Variants in TRAPPC12 observed in about 807,000 individuals in gnomAD.
TRAPPC12 encodes TPR repeat protein 15.
TRAPPC12 carries 61 observed loss-of-function variants against 69.2 expected under a neutral mutation model. The ratio of observed to expected loss-of-function variants is 0.88; its 90% confidence interval spans 0.72 to 1.09. The LOEUF (loss-of-function observed/expected upper bound fraction) is 1.09. Ranked by LOEUF, TRAPPC12 falls within the 50% of genes least tolerant of loss-of-function variation. TRAPPC12 has a pLI of 0.00. For missense variants in TRAPPC12, 1,101 were observed against 1,016.4 expected, an observed-to-expected ratio of 1.08 and a Z score of -1.13; for synonymous variants, 469 against 438.9, an observed-to-expected ratio of 1.07 and a Z score of -0.86.
intron 6 of TRAPPC12, among the ~76,000 whole-genome samples, chr2:3,446,513 C>T (rs909118235): frequency 3.9e-5 from 6 of 152,216 alleles, no homozygotes; most frequent in Admixed American, 3.3e-4. Flanking sequence ...CTTGCCTGTC[C>T]GCCACCTTTG....
chr2:3,461,957 C>T (rs927891617), intron 8 of TRAPPC12, among the ~76,000 whole-genome samples: 1 of 152,272 alleles, frequency 6.6e-6, no homozygotes, highest in Non-Finnish European at 1.5e-5. Context: ...ACACCCCCAC[C>T]TGGCGGTCTG....
At chr2:3,423,071 G>T (rs1662902263) in intron 4 of TRAPPC12, among the ~76,000 whole-genome samples, 1 of 152,200 alleles carries the variant, frequency 6.6e-6, no homozygotes, top group South Asian at 2.1e-4. Context: ...TCAGGTGTTG[G>T]CACTAGCTCA....
chr2:3,415,374 A>G (rs899476290), intron 3 of TRAPPC12, among the ~76,000 whole-genome samples: 2 of 147,620 alleles, frequency 1.4e-5, no homozygotes, highest in African/African-American at 5.4e-5. Context: ...TGTGACATTC[A>G]GTAGGTTAGA....
In TRAPPC12 at chr2:3,465,608, G is replaced by A. The variant is rs576529829; in HGVS notation, c.1689G>A (p.Leu563=). The change falls in exon 9 of 12, where the codon CTG becomes CTA. Residue 563 remains leucine (L), a synonymous_variant. Coordinates refer to ENST00000324266, the MANE Select transcript of TRAPPC12 (RefSeq NM_016030.6). The stretch of plus-strand genomic sequence containing the variant: ...TTTTCTTCCCACAGGATTATGTGCT[G>A]GCCGTGGAGGCGTATCATTCGGTTA... ...NCLLLMKDYV[L]AVEAYHSVIK... is the part of the protein sequence containing the mutation. 12 of 1,613,502 alleles carry A rather than the reference G, an allele frequency of 7.4e-6. No homozygotes were observed. Among genetic ancestry groups the A allele is most frequent in the Non-Finnish European group, 1.0e-5 (12 of 1,179,538 alleles).
chr2:3,462,817 G>A, intron 8 of TRAPPC12: 1 of 440,594 alleles, frequency 2.3e-6, no homozygotes. Context: ...CCCTCCCCCG[G>A]GTGCCCCTGG....
intron 5 of TRAPPC12, among the ~76,000 whole-genome samples, chr2:3,427,740 A>G (rs1663192765): frequency 6.6e-6 from 1 of 152,154 alleles, no homozygotes; most frequent in Admixed American, 6.5e-5. Flanking sequence ...AAAAATACAA[A>G]AAATTAGCCG....
chr2:3,460,358 G>A (rs762697973), intron 8 of TRAPPC12, 22 bp downstream of exon 8: 6 of 866,460 alleles, frequency 6.9e-6, no homozygotes, highest in South Asian at 6.6e-5. Flanking sequence ...GCCAAGCAGG[G>A]CTGCCATGTG....
At chr2:3,453,534 G>A (rs2103123796) in intron 6 of TRAPPC12, among the ~76,000 whole-genome samples, 1 of 152,336 alleles carries the variant, frequency 6.6e-6, no homozygotes. Context: ...GCCCTCAGCA[G>A]CTTCCAGCAG....
chr2:3,452,212 T>C (rs1005143811), intron 6 of TRAPPC12, among the ~76,000 whole-genome samples: 7 of 152,166 alleles, frequency 4.6e-5, no homozygotes, highest in Admixed American at 1.3e-4. Context: ...GCTGGGTTCC[T>C]GGCCTCATGG....
chr2:3,419,998 G>T (rs1262967845), intron 3 of TRAPPC12, among the ~76,000 whole-genome samples: 1 of 152,196 alleles, frequency 6.6e-6, no homozygotes, highest in Non-Finnish European at 1.5e-5. Context: ...CAGCAATCCA[G>T]TTACTGCATT....
At chr2:3,419,437 A>T (rs79735357) in intron 3 of TRAPPC12, among the ~76,000 whole-genome samples, 16,973 of 152,222 alleles carry the variant, frequency 0.11, 1,055 homozygotes, top group Middle Eastern at 0.27. Flanking sequence ...ATCGTAACCA[A>T]TCTAAAAATA....
intron 2 of TRAPPC12, chr2:3,389,866 T>C (rs1660730892): frequency 2.2e-6 from 1 of 457,588 alleles, no homozygotes; most frequent in African/African-American, 2.0e-5. Flanking sequence ...GAAAGTCAGG[T>C]GGTGTCTCTC....
At chr2:3,383,455 G>A (rs375066391) in intron 1 of TRAPPC12, among the ~76,000 whole-genome samples, 3 of 144,784 alleles carry the variant, frequency 2.1e-5, no homozygotes, top group East Asian at 4.1e-4. Flanking sequence ...CTGGAATGTC[G>A]TGCCTCAATC....
rs573217652 is a variant in TRAPPC12, at chr2:3,384,596, A to G, written c.-4-3024A>G. On this transcript the variant is annotated intron_variant, in intron 1 of 11. Coordinates refer to ENST00000324266, the MANE Select transcript of TRAPPC12 (RefSeq NM_016030.6). The stretch of plus-strand genomic sequence containing the variant: ...CATGTACTTTTATTTAATCTATCGC[A>G]TTAAACCAACAGTACATTTCTGGGA... Among the ~76,000 whole-genome samples the G allele has an allele frequency of 5.3e-5, 8 of 152,380 alleles. No homozygotes were observed. The South Asian group carries it at 6.2e-4, about 12-fold the overall frequency.
chr2:3,435,338 G>A (rs1432658300), intron 5 of TRAPPC12, among the ~76,000 whole-genome samples: 1 of 152,174 alleles, frequency 6.6e-6, no homozygotes, highest in Non-Finnish European at 1.5e-5. Context: ...TGTTACTGGG[G>A]GGGCAGGGGA....
At chr2:3,449,760 A>G (rs1250543962) in intron 6 of TRAPPC12, among the ~76,000 whole-genome samples, 1 of 152,186 alleles carries the variant, frequency 6.6e-6, no homozygotes, top group Non-Finnish European at 1.5e-5. Context: ...GACAGTGGCC[A>G]GTTATTGCCA....
rs1370337946 is a variant in TRAPPC12, at chr2:3,414,697, G to A, written c.1165-7184G>A. ...AGCGTGTCCATGCCGTGCCGCTTGT[G>A]CCTCTGCCCCGCGAGGGACACCATT... On this transcript the variant is annotated intron_variant, in intron 3 of 11. Transcript: ENST00000324266. This position sits in a 1 kb window ranked among gnomAD's most constrained non-coding sequence, Gnocchi z 4.9. Among the ~76,000 whole-genome samples, 2 of 152,260 alleles carry A rather than the reference G, an allele frequency of 1.3e-5. No individual in the cohort carries two copies. Among genetic ancestry groups the A allele is most frequent in the Middle Eastern group, 3.4e-3 (1 of 294 alleles).
intron 8 of TRAPPC12, among the ~76,000 whole-genome samples, chr2:3,464,826 G>A (rs1665718375): frequency 6.6e-6 from 1 of 152,274 alleles, no homozygotes; most frequent in Non-Finnish European, 1.5e-5. Context: ...TGATGGGCCG[G>A]CATGAGTGGG....
intron 9 of TRAPPC12, among the ~76,000 whole-genome samples, chr2:3,467,234 A>G (rs1665858614): frequency 1.3e-5 from 2 of 152,154 alleles, no homozygotes; most frequent in Non-Finnish European, 2.9e-5. Context: ...CGGGGAGGTG[A>G]TAGCGGCGCT....
Sources: gnomAD v4.1 joint callset for allele counts (sites outside exome capture counted in the v4.1 genomes callset) on GRCh38, gnomAD v4.1.1 for gene constraint, Gnocchi (gnomAD v3.1) non-coding constraint, MANE v1.5 for transcripts, NCBI Gene and HGNC (gene_info 2026-07-23, HGNC 2026-07-21) for gene names.